HAUS4: variants seen among roughly 807,000 people sequenced by gnomAD.
HAUS4 encodes the protein HAUS augmin like complex subunit 4, also known as HAUS augmin-like complex subunit 4.
Under a neutral mutation model 50.6 loss-of-function variants are expected in HAUS4, and 34 were observed. The observed-to-expected ratio is 0.67, with a 90% confidence interval of 0.51 to 0.90. The LOEUF is 0.90. HAUS4 is among the 40% of genes least tolerant of loss of function. The pLI is 0.00. For synonymous variants in HAUS4, 149 were observed against 161.4 expected (o/e 0.92, Z 0.58); for missense variants, 370 against 428.7 (o/e 0.86, Z 1.21).
rs773271321 is a variant in HAUS4 at position 22,955,164 on chromosome 14, T to C, written c.-10A>G. The C allele has an allele frequency of 1.2e-6, 2 of 1,604,830 alleles. No homozygotes were observed. The highest frequency in any genetic ancestry group is 1.1e-5 in the South Asian group (1 of 90,880). ...AATCCCCGGATGCCATTTGATTTTCTTGGGATTCTAATCTGTGGAACCAAG... is the reference window on the plus strand; with the variant it reads ...AATCCCCGGATGCCATTTGATTTTCCTGGGATTCTAATCTGTGGAACCAAG... On this transcript the variant is annotated 5_prime_UTR_variant, in exon 2 of 10. Transcript: ENST00000541587.
rs1294601848 is a variant in HAUS4 at position 22,946,514 on chromosome 14, C to T, written c.*11G>A. The stretch of plus-strand genomic sequence containing the variant: ...CTATGCAGAAGCCATGTCTCCTGGC[C>T]CTGCCAGAGCTCAACGGTAGACCTT... On this transcript the variant is annotated 3_prime_UTR_variant, in exon 10 of 10. Coordinates refer to ENST00000541587, the MANE Select transcript of HAUS4 (RefSeq NM_001166269.2). 3 of 1,607,106 alleles carry T rather than the reference C, an allele frequency of 1.9e-6. No homozygotes were observed. Among genetic ancestry groups the T allele is most frequent in the Non-Finnish European group, 2.6e-6 (3 of 1,175,712 alleles).
At chr14:22,952,489 CCTCT>C in intron 3 of HAUS4, 30 bp from the exon 4 acceptor site, 1 of 1,613,608 alleles carries the variant, frequency 6.2e-7, no homozygotes, top group Non-Finnish European at 8.5e-7. Flanking sequence ...CAGGTAGGAA[CCTCT>C]CTCTCAGGAT....
chr14:22,954,812 G>A (rs1025066201), intron 2 of HAUS4: 8 of 243,552 alleles, frequency 3.3e-5, no homozygotes, highest in Non-Finnish European at 6.4e-5. Flanking sequence ...TGCAAGCTCC[G>A]CCTCCCAGGT....
At chr14:22,955,399 C>A in intron 1 of HAUS4, 2 of 549,768 alleles carry the variant, frequency 3.6e-6, no homozygotes, top group Non-Finnish European at 6.5e-6. Flanking sequence ...ATTCTAAGCA[C>A]ACATGTGTTT....
Position 22,946,699 on chromosome 14 carries a change from C to T in HAUS4, c.918G>A (p.Leu306=). The change falls in exon 10 of 10, where the codon TTG becomes TTA. Residue 306 remains leucine, a synonymous_variant. Coordinates refer to ENST00000541587, the MANE Select transcript of HAUS4 (RefSeq NM_001166269.2). The part of the protein sequence containing the change: ...VEVHRLIRDR[L]EGAIHLQEQD... Reference sequence around the variant, plus strand: ...GCTCCTGTAGGTGAATGGCTCCCTCCAAACGGTCCCTAAGAGCCCGGGCAG... The same window carrying T: ...GCTCCTGTAGGTGAATGGCTCCCTCTAAACGGTCCCTAAGAGCCCGGGCAG... The T allele has an allele frequency of 6.2e-7, 1 of 1,610,090 alleles. No homozygotes were observed. Among genetic ancestry groups the T allele is most frequent in the African/African-American group, 1.3e-5 (1 of 74,920 alleles).
chr14:22,947,563 G>C (rs766531396), intron 8 of HAUS4, 38 bp downstream of exon 8: 5 of 1,609,652 alleles, frequency 3.1e-6, no homozygotes, highest in Non-Finnish European at 4.2e-6. Context: ...GATAACGTGA[G>C]ACAGAATCCC....
Position 22,947,694 on chromosome 14 carries a change from A to T in HAUS4, c.746T>A (p.Leu249His), listed in dbSNP as rs1403481545. The part of the protein sequence containing the change: ...LRCLTLLQRL[L>H]QEHRLKTQSE... ...TTGAGTCTTCAGCCGGTGTTCTTGA[A>T]GAAGCCTCTGCAGCAAAGTGAGGCA... The change falls in exon 8 of 10, where the codon CTT becomes CAT. Residue 249 changes from leucine to histidine, a missense_variant. Coordinates refer to ENST00000541587, the MANE Select transcript of HAUS4 (RefSeq NM_001166269.2). 3 of 1,614,188 alleles carry T rather than the reference A, an allele frequency of 1.9e-6. No individual in the cohort carries two copies. Among genetic ancestry groups the T allele is most frequent in the Non-Finnish European group, 2.5e-6 (3 of 1,180,018 alleles).
At position 22,950,383 on chromosome 14, in the gene HAUS4, G is replaced by A; in HGVS notation, c.493C>T (p.Gln165Ter). The part of the protein sequence containing the change: ...EDFVWMRARL[Q>*]QEVEEQLKKK... ...TTGAGCTGCTCCTCTACTTCTTGCT[G>A]TAGCCGAGCCCTCATCCACACAAAA... is the stretch of plus-strand genomic sequence containing the variant. The change falls in exon 6 of 10, where the codon CAG becomes TAG. Residue 165 changes from glutamine (Q) to a stop codon, truncating the protein, a stop_gained. Transcript: ENST00000541587. LOFTEE classifies it high-confidence loss of function. The A allele has an allele frequency of 6.2e-7, 1 of 1,612,612 alleles. No homozygotes were observed. Among genetic ancestry groups the A allele is most frequent in the Non-Finnish European group, 8.5e-7 (1 of 1,178,668 alleles).
intron 2 of HAUS4, 25 bp from the exon 3 acceptor site, chr14:22,952,708 CA>C (rs761310567): frequency 4.5e-5 from 70 of 1,539,844 alleles, no homozygotes; most frequent in African/African-American, 2.1e-4. Context: ...CCCACAGGTA[CA>C]AAAAAACAAA....
At chr14:22,955,443 TA>T (rs1054284733) in intron 1 of HAUS4, 21 of 401,290 alleles carry the variant, frequency 5.2e-5, no homozygotes, top group Non-Finnish European at 8.6e-5. Context: ...AGGAGCATCC[TA>T]AAAAGAGAAC....
rs770121395 is a variant in HAUS4 at position 22,952,364 on chromosome 14, C to G, written c.294G>C (p.Lys98Asn). 9 of 1,614,044 alleles carry G rather than the reference C, an allele frequency of 5.6e-6. No individual in the cohort carries two copies. Among genetic ancestry groups the G allele is most frequent in the Admixed American group, 3.3e-5 (2 of 60,008 alleles). ...CAGAAGTTACATTTGTGTCTTGTATCTTCACATAGTAGTCCACAAGCAACT... is the reference window on the plus strand; with the variant it reads ...CAGAAGTTACATTTGTGTCTTGTATGTTCACATAGTAGTCCACAAGCAACT... Reference protein sequence around the residue: ...IQELLVDYYVKIQDTNVTSED... With the variant: ...IQELLVDYYVNIQDTNVTSED... Residue 98 changes from lysine to asparagine, a missense_variant, in exon 4 of 10, where the codon AAG becomes AAC. By Grantham distance (94) the Lys-to-Asn change is moderately conservative. Transcript: ENST00000541587.
intron 6 of HAUS4, among the ~76,000 whole-genome samples, chr14:22,949,950 G>A (rs922214053): frequency 6.6e-6 from 1 of 152,032 alleles, no homozygotes; most frequent in African/African-American, 2.4e-5. Flanking sequence ...TCAACATGGA[G>A]AAACCCCATC....
At position 22,946,543 on chromosome 14, in the gene HAUS4, G is replaced by C; in HGVS notation, c.1074C>G (p.Phe358Leu). 1.9e-6 allele frequency: 3 copies of C among 1,613,544 alleles called. No homozygotes were observed. The highest frequency in any genetic ancestry group is 2.5e-6 in the Non-Finnish European group (3 of 1,179,696). ...TENKRWALQE[F>L]SKVYR ...CCAGAGCTCAACGGTAGACCTTGCT[G>C]AACTCCTGGAGGGCCCACCGCTTGT... is the stretch of plus-strand genomic sequence containing the variant. Residue 358 changes from phenylalanine to leucine, a missense_variant, in exon 10 of 10, where the codon TTC becomes TTG. Coordinates refer to ENST00000541587, the MANE Select transcript of HAUS4 (RefSeq NM_001166269.2).
At chr14:22,950,102 T>C (rs1290114287) in intron 6 of HAUS4, among the ~76,000 whole-genome samples, 3 of 139,054 alleles carry the variant, frequency 2.2e-5, no homozygotes, top group African/African-American at 5.4e-5. Flanking sequence ...CACTCTAGCC[T>C]GGGCAACAGG....
At position 22,947,882 on chromosome 14, in the gene HAUS4, C is replaced by A; in HGVS notation, c.694G>T (p.Ala232Ser). 6.2e-7 allele frequency: 1 copy of A among 1,613,606 alleles called. No homozygotes were observed. Among genetic ancestry groups the A allele is most frequent in the Non-Finnish European group, 8.5e-7 (1 of 1,179,758 alleles). Residue 232 changes from alanine to serine, a missense_variant, in exon 7 of 10, where the codon GCT becomes TCT. Transcript: ENST00000541587. ...CCCTGATAAACCTGGGAGTAAGCAG[C>A]ACTCTTCTTCTCCAGCAGCAACATC... ...EQMLLLEKKS[A>S]AYSQVLLRCL...
chr14:22,949,034 G>A (rs1353036287), intron 6 of HAUS4, among the ~76,000 whole-genome samples: 1 of 151,532 alleles, frequency 6.6e-6, no homozygotes, highest in Non-Finnish European at 1.5e-5. Flanking sequence ...GCAGGCGCCT[G>A]TAATCCCAGC....
chr14:22,952,540 C>A lies in HAUS4; in HGVS notation c.198+1G>T, dbSNP rs771118174. On this transcript the variant is annotated splice_donor_variant, in intron 3 of 9. Transcript: ENST00000541587. LOFTEE classifies it high-confidence loss of function. ...CTTATCTCTTCTCCCAAAGCCCTTA[C>A]CTGAGCCTGCTCCTTTGCTAGGGTG... 1.9e-6 allele frequency: 3 copies of A among 1,613,168 alleles called. No homozygotes were observed. Among genetic ancestry groups the A allele is most frequent in the Non-Finnish European group, 2.5e-6 (3 of 1,179,506 alleles).
At chr14:22,953,865 C>T (rs1388597120) in intron 2 of HAUS4, among the ~76,000 whole-genome samples, 7 of 150,992 alleles carry the variant, frequency 4.6e-5, no homozygotes, top group Non-Finnish European at 7.4e-5. Flanking sequence ...CTCCTGACCT[C>T]GTGATCTGCC....
At chr14:22,947,820 T>C (rs2044672334) in intron 7 of HAUS4, 48 bp downstream of exon 7, 1 of 1,610,814 alleles carries the variant, frequency 6.2e-7, no homozygotes, top group Non-Finnish European at 8.5e-7. Flanking sequence ...CCAAAAGTGC[T>C]CCTGGGGTCA....
Sources: gnomAD v4.1 joint callset for allele counts (sites outside exome capture counted in the v4.1 genomes callset) on GRCh38, gnomAD v4.1.1 for gene constraint, MANE v1.5 for transcripts, NCBI Gene and HGNC (gene_info 2026-07-23, HGNC 2026-07-21) for gene names.